SEPTIN7: variants seen among roughly 807,000 people sequenced by gnomAD.
SEPTIN7 encodes the protein septin 7, also known as septin-7.
A neutral mutation model predicts 63.3 loss-of-function variants in SEPTIN7; 10 were observed. The observed-to-expected ratio is 0.16, with a 90% CI of 0.10 to 0.27. The LOEUF is 0.27. SEPTIN7 is among the 10% of genes least tolerant of loss of function. SEPTIN7 has a pLI of 1.00. For synonymous variants in SEPTIN7, 131 were observed against 165.3 expected, an observed-to-expected ratio of 0.79 and a Z score of 1.59; for missense variants, 310 against 521.0, an observed-to-expected ratio of 0.59 and a Z score of 3.94.
intron 7 of SEPTIN7, among the ~76,000 whole-genome samples, chr7:35,882,269 T>C (rs1786927354): frequency 6.6e-6 from 1 of 151,166 alleles, no homozygotes; most frequent in Non-Finnish European, 1.5e-5. Flanking sequence ...TCGGAAGTAA[T>C]TGGATTTGGT....
At chr7:35,875,688 G>GT (rs560426661) in intron 6 of SEPTIN7, among the ~76,000 whole-genome samples, 43 of 152,208 alleles carry the variant, frequency 2.8e-4, no homozygotes, top group Non-Finnish European at 4.3e-4. Context: ...TTAAAATGGT[G>GT]TTTTATCCTT....
At chr7:35,803,197 T>TA (rs1788111534) in intron 1 of SEPTIN7, 1 of 880,954 alleles carries the variant, frequency 1.1e-6, no homozygotes, top group Non-Finnish European at 1.4e-6. Context: ...GCATACATAA[T>TA]ACATGAAAGG....
At chr7:35,896,163 C>T (rs2116361166) in intron 11 of SEPTIN7, among the ~76,000 whole-genome samples, 1 of 152,192 alleles carries the variant, frequency 6.6e-6, no homozygotes, top group South Asian at 2.1e-4. Flanking sequence ...ATTTTCCCCC[C>T]TAGAGTTATT....
chr7:35,852,791 A>T (rs2116068576), intron 3 of SEPTIN7, among the ~76,000 whole-genome samples: 1 of 152,338 alleles, frequency 6.6e-6, no homozygotes, highest in South Asian at 2.1e-4. Flanking sequence ...TATATGAGGT[A>T]CTTGACTTGA....
chr7:35,849,071 A>T (rs570865508), intron 3 of SEPTIN7, among the ~76,000 whole-genome samples: 4 of 152,274 alleles, frequency 2.6e-5, no homozygotes, highest in African/African-American at 9.6e-5. Context: ...CTTTTAAGAT[A>T]ATTGCAGGGC....
At chr7:35,895,032 T>G (rs1787877832) in intron 11 of SEPTIN7, among the ~76,000 whole-genome samples, 1 of 152,182 alleles carries the variant, frequency 6.6e-6, no homozygotes, top group African/African-American at 2.4e-5. Flanking sequence ...ATTTTCTTTT[T>G]CTTGTTTTAC....
intron 10 of SEPTIN7, among the ~76,000 whole-genome samples, chr7:35,889,466 G>A (rs1191689050): frequency 6.6e-6 from 1 of 152,196 alleles, no homozygotes; most frequent in Non-Finnish European, 1.5e-5. Context: ...TCCCAAAGGG[G>A]GAGATTCAAG....
At chr7:35,824,034 ACT>A (rs1200414700) in intron 1 of SEPTIN7, among the ~76,000 whole-genome samples, 1 of 143,182 alleles carries the variant, frequency 7.0e-6, no homozygotes, top group African/African-American at 2.6e-5. Context: ...AGTGCTTAAA[ACT>A]CTTGACCTTG....
intron 3 of SEPTIN7, among the ~76,000 whole-genome samples, chr7:35,854,262 A>G (rs1785093338): frequency 6.6e-6 from 1 of 152,232 alleles, no homozygotes; most frequent in South Asian, 2.1e-4. Flanking sequence ...CAATGCTTGT[A>G]AAATACTGGC....
intron 1 of SEPTIN7, among the ~76,000 whole-genome samples, chr7:35,812,262 A>C (rs1162131116): frequency 6.6e-6 from 1 of 151,926 alleles, no homozygotes; most frequent in South Asian, 2.1e-4. Flanking sequence ...GTGTTAGTGC[A>C]TGGTGCTGTG....
At position 35,801,258 on chromosome 7, in the gene SEPTIN7, A is replaced by G; in HGVS notation, c.49A>G (p.Ser17Gly). ...TGCTGCTGAGGAGAGGAGCGTCAAC[A>G]GCAGCACCATGGGTGAGTCTCAGCT... is the stretch of plus-strand genomic sequence containing the variant. The part of the protein sequence containing the change: ...SAAAEERSVN[S>G]STMVAQQKNL... Residue 17 changes from serine (S) to glycine (G), a missense_variant, in exon 1 of 14, where the codon AGC becomes GGC. Physicochemically the swap from Ser to Gly is moderately conservative, Grantham distance 56 (BLOSUM62 0). This residue lies in a region of SEPTIN7 where 55 missense variants were observed against 30.5 expected (regional missense o/e 1.80). Coordinates refer to ENST00000350320, the MANE Select transcript of SEPTIN7 (RefSeq NM_001788.6). 1 of 1,525,638 alleles carries G rather than the reference A, an allele frequency of 6.6e-7. No homozygotes were observed. Among genetic ancestry groups the G allele is most frequent in the Non-Finnish European group, 8.8e-7 (1 of 1,139,466 alleles). 94.5% of individuals were successfully genotyped at this position (1,525,638 alleles called of 1,614,324 possible). A position where few individuals can be genotyped will look rare whatever the true frequency, so the allele number is the denominator to read the frequency against.
chr7:35,885,738 G>GT, intron 9 of SEPTIN7, 90 bp from the exon 10 acceptor site: 1 of 991,168 alleles, frequency 1.0e-6, no homozygotes, highest in Non-Finnish European at 1.6e-6. Context: ...TCCTCTTCTT[G>GT]TTTTTACACC....
chr7:35,897,174 A>G (rs1400280614), intron 11 of SEPTIN7, among the ~76,000 whole-genome samples: 2 of 152,312 alleles, frequency 1.3e-5, no homozygotes, highest in East Asian at 1.9e-4. Flanking sequence ...TATTACAGTA[A>G]AATTTACCCA....
intron 1 of SEPTIN7, among the ~76,000 whole-genome samples, chr7:35,827,333 G>A (rs1210042285): frequency 1.3e-5 from 2 of 151,904 alleles, no homozygotes; most frequent in Non-Finnish European, 1.5e-5. Context: ...TCCTTATCCC[G>A]AGATATTTCA....
chr7:35,812,776 A>G (rs1448769571), intron 1 of SEPTIN7, among the ~76,000 whole-genome samples: 1 of 152,200 alleles, frequency 6.6e-6, no homozygotes, highest in African/African-American at 2.4e-5. Flanking sequence ...TAAGATTACT[A>G]TACCTAAAAC....
downstream of SEPTIN7, among the ~76,000 whole-genome samples, chr7:35,910,088 C>T (rs1174281698): frequency 1.3e-5 from 2 of 152,180 alleles, no homozygotes; most frequent in Non-Finnish European, 2.9e-5. Flanking sequence ...GCTTGAGTGG[C>T]CTTGTGACAT....
intron 1 of SEPTIN7, among the ~76,000 whole-genome samples, chr7:35,812,458 A>G (rs1379765548): frequency 1.3e-5 from 2 of 152,152 alleles, no homozygotes; most frequent in African/African-American, 4.8e-5. Context: ...CAAATATAGC[A>G]CGATATATGA....
At chr7:35,908,215 C>CA (rs1788670266), downstream of SEPTIN7, among the ~76,000 whole-genome samples, 4 of 152,296 alleles carry the variant, frequency 2.6e-5, no homozygotes, top group South Asian at 8.3e-4. Context: ...GCTTTTCAAG[C>CA]AAACTTGGTT....
intron 11 of SEPTIN7, among the ~76,000 whole-genome samples, chr7:35,896,105 G>A (rs1052682256): frequency 3.9e-5 from 6 of 152,130 alleles, no homozygotes; most frequent in African/African-American, 1.2e-4. Context: ...CACCGTGCCC[G>A]GCTTAAAAGA....
Sources: allele counts gnomAD v4.1 joint callset (sites outside exome capture counted in the v4.1 genomes callset), GRCh38; gene constraint gnomAD v4.1.1; regional missense constraint gnomAD v4.1.1; transcripts MANE v1.5; gene names NCBI Gene and HGNC (gene_info 2026-07-23, HGNC 2026-07-21).